XXYLT1: variants seen among roughly 807,000 people sequenced by gnomAD.
The protein encoded by XXYLT1 is UDP-xylose:alpha-xyloside alpha-1,3-xylosyltransferase.
Under a neutral mutation model 28.9 loss-of-function variants are expected in XXYLT1, and 20 were observed. That is an observed-to-expected ratio of 0.69 (90% CI 0.49 to 1.00). XXYLT1 has a LOEUF of 1.00. Ranked by LOEUF, XXYLT1 falls within the 50% of genes least tolerant of loss-of-function variation. The pLI, the probability that XXYLT1 is intolerant of heterozygous loss-of-function variation, is 0.00. For synonymous variants in XXYLT1, 257 were observed against 253.8 expected (o/e 1.01, Z -0.12); for missense variants, 542 against 560.1 (o/e 0.97, Z 0.33).
At chr3:195,169,631 G>A (rs571613741) in intron 2 of XXYLT1, among the ~76,000 whole-genome samples, 144 of 152,106 alleles carry the variant, frequency 9.5e-4, no homozygotes, top group African/African-American at 3.3e-3. Context: ...TTTTATTTAC[G>A]ATAGGTTTAT....
At chr3:195,188,127 G>A (rs1480812787) in intron 2 of XXYLT1, among the ~76,000 whole-genome samples, 1 of 152,156 alleles carries the variant, frequency 6.6e-6, no homozygotes, top group Non-Finnish European at 1.5e-5. Context: ...AAAAGTCTAG[G>A]GGATGGAATT....
intron 3 of XXYLT1, among the ~76,000 whole-genome samples, chr3:195,143,815 G>T (rs796143096): frequency 0.011 from 866 of 75,610 alleles, 63 homozygotes; most frequent in East Asian, 0.043. Context: ...GATATATATA[G>T]ATATAGATAT....
Position 195,180,165 on chromosome 3 carries a change from C to T in XXYLT1, c.653-23584G>A, listed in dbSNP as rs529064166. On this transcript the variant is annotated intron_variant, in intron 2 of 3. Transcript: ENST00000310380. This position sits in a 1 kb window ranked among gnomAD's most constrained non-coding sequence, Gnocchi z 5.8. ...CAAACAAGAGGGGCAGGGAGGGAGGCAGCTGTGTAGCAGGCCTGGGGTGGT... is the reference window on the plus strand; with the variant it reads ...CAAACAAGAGGGGCAGGGAGGGAGGTAGCTGTGTAGCAGGCCTGGGGTGGT... 6.6e-6 allele frequency among the ~76,000 whole-genome samples: 1 copy of T among 152,322 alleles called. No individual in the cohort carries two copies. The highest frequency in any genetic ancestry group is 2.1e-4 in the South Asian group (1 of 4,832).
At chr3:195,196,575 G>C (rs1347349627) in intron 2 of XXYLT1, among the ~76,000 whole-genome samples, 1 of 152,232 alleles carries the variant, frequency 6.6e-6, no homozygotes, top group East Asian at 1.9e-4. Flanking sequence ...CGGAGAAAGA[G>C]ACCAGAGATG....
chr3:195,069,978 T>C lies in XXYLT1; in HGVS notation c.919A>G (p.Ser307Gly). Residue 307 changes from serine to glycine, a missense_variant, in exon 4 of 4, where the codon AGC (serine) becomes GGC (glycine). Physicochemically the swap from Ser to Gly is moderately conservative, Grantham distance 56. Transcript: ENST00000310380. ...LEAMRQSPLY[S>G]RLLEPAQVQQ... ...ACCTGCGCCGGCTCCAGCAGGCGGCTGTAGAGCGGGGACTGGCGCATGGCC... is the reference window on the plus strand; with the variant it reads ...ACCTGCGCCGGCTCCAGCAGGCGGCCGTAGAGCGGGGACTGGCGCATGGCC... 6.2e-7 allele frequency: 1 copy of C among 1,610,316 alleles called. No homozygotes were observed. The highest frequency in any genetic ancestry group is 8.5e-7 in the Non-Finnish European group (1 of 1,179,744).
chr3:195,226,722 C>G lies in XXYLT1; in HGVS notation c.639G>C (p.Gln213His), dbSNP rs1427551120. 1 of 1,613,284 alleles carries G rather than the reference C, an allele frequency of 6.2e-7. No homozygotes were observed. Among genetic ancestry groups the G allele is most frequent in the Non-Finnish European group, 8.5e-7 (1 of 1,179,808 alleles). The change falls in exon 2 of 4, where the codon CAG (glutamine) becomes CAC (histidine). Residue 213 changes from glutamine (Q) to histidine (H), a missense_variant. Transcript: ENST00000310380. ...SIFFLSVAMH[Q>H]IMPKEILQII... ...AGCCCAGGTTACCTTTGGGCATGATCTGATGCATGGCGACCGAGAGGAAGA... is the reference window on the plus strand; with the variant it reads ...AGCCCAGGTTACCTTTGGGCATGATGTGATGCATGGCGACCGAGAGGAAGA...
At chr3:195,228,845 T>A (rs574750335) in intron 1 of XXYLT1, among the ~76,000 whole-genome samples, 2 of 151,058 alleles carry the variant, frequency 1.3e-5, no homozygotes, top group Non-Finnish European at 2.9e-5. Context: ...AGAGTTTCAC[T>A]CTTGTTGCCC....
intron 3 of XXYLT1, among the ~76,000 whole-genome samples, chr3:195,140,674 A>G (rs966072962): frequency 5.3e-5 from 8 of 151,984 alleles, no homozygotes; most frequent in Non-Finnish European, 1.0e-4. Flanking sequence ...TGAGAACAAA[A>G]GAGAGAGAGC....
chr3:195,139,883 AC>A (rs1202357372), intron 3 of XXYLT1, among the ~76,000 whole-genome samples: 10 of 151,982 alleles, frequency 6.6e-5, no homozygotes, highest in African/African-American at 1.9e-4. Flanking sequence ...CCAGATGAGG[AC>A]CCCTCCCAGC....
chr3:195,244,463 A>G (rs1306246849), intron 1 of XXYLT1, among the ~76,000 whole-genome samples: 1 of 152,112 alleles, frequency 6.6e-6, no homozygotes, highest in Non-Finnish European at 1.5e-5. Context: ...AGGAATCTTC[A>G]TTTAAAAACC....
At chr3:195,192,545 T>G (rs1348874996) in intron 2 of XXYLT1, among the ~76,000 whole-genome samples, 4 of 152,282 alleles carry the variant, frequency 2.6e-5, no homozygotes, top group South Asian at 4.2e-4. Flanking sequence ...ATTCCTAAAC[T>G]CTATCTATCA....
At chr3:195,243,046 TCA>T (rs1724846967) in intron 1 of XXYLT1, among the ~76,000 whole-genome samples, 1 of 152,160 alleles carries the variant, frequency 6.6e-6, no homozygotes, top group Non-Finnish European at 1.5e-5. Flanking sequence ...AAGGATGAGT[TCA>T]CGTCCTTTGT....
chr3:195,233,258 T>C (rs1241343761), intron 1 of XXYLT1, among the ~76,000 whole-genome samples: 1 of 152,220 alleles, frequency 6.6e-6, no homozygotes, highest in East Asian at 1.9e-4. Context: ...CTATGTGTGT[T>C]TTTATAAATG....
chr3:195,189,224 T>C (rs577511928), intron 2 of XXYLT1, among the ~76,000 whole-genome samples: 1 of 152,190 alleles, frequency 6.6e-6, no homozygotes, highest in Admixed American at 6.5e-5. Context: ...GATTTTAAAA[T>C]AAAAACCAAA....
chr3:195,242,177 C>T (rs1398496830), intron 1 of XXYLT1, among the ~76,000 whole-genome samples: 1 of 152,138 alleles, frequency 6.6e-6, no homozygotes, highest in African/African-American at 2.4e-5. Flanking sequence ...CCCGTGGCCC[C>T]GCAGCACCTG....
rs1448576748 is a variant in XXYLT1, at chr3:195,115,661, A to G, written c.785+40788T>C. ...GGACGACTCCCTTCATCTGGTGCGGAGCAGTAACCCCCTCGTCTGGCTCCG... is the reference window on the plus strand; with the variant it reads ...GGACGACTCCCTTCATCTGGTGCGGGGCAGTAACCCCCTCGTCTGGCTCCG... On this transcript the variant is annotated intron_variant, in intron 3 of 3. Coordinates refer to ENST00000310380, the MANE Select transcript of XXYLT1 (RefSeq NM_152531.5). The surrounding 1 kb of genome is among the most constrained non-coding windows in gnomAD (Gnocchi z 4.2). Among the ~76,000 whole-genome samples, 1 of 152,202 alleles carries G rather than the reference A, an allele frequency of 6.6e-6. No homozygotes were observed. Among genetic ancestry groups the G allele is most frequent in the Non-Finnish European group, 1.5e-5 (1 of 68,034 alleles).
intron 2 of XXYLT1, among the ~76,000 whole-genome samples, chr3:195,203,857 G>A (rs774537429): frequency 2.6e-5 from 4 of 152,184 alleles, no homozygotes; most frequent in Non-Finnish European, 4.4e-5. Flanking sequence ...GTCAGCCCCC[G>A]GAACAGAGGC....
chr3:195,199,407 C>T (rs1722758458), intron 2 of XXYLT1, among the ~76,000 whole-genome samples: 1 of 152,042 alleles, frequency 6.6e-6, no homozygotes, highest in Non-Finnish European at 1.5e-5. Flanking sequence ...GTCAGGAGAT[C>T]GAGACCATCC....
chr3:195,190,080 A>G (rs1722353499), intron 2 of XXYLT1, among the ~76,000 whole-genome samples: 1 of 151,788 alleles, frequency 6.6e-6, no homozygotes, highest in South Asian at 2.1e-4. Context: ...AAAAGCAAAA[A>G]GAAAACATCA....
Sources: allele counts gnomAD v4.1 joint callset (sites outside exome capture counted in the v4.1 genomes callset), GRCh38; gene constraint gnomAD v4.1.1; non-coding constraint Gnocchi (gnomAD v3.1); transcripts MANE v1.5; gene names NCBI Gene and HGNC (gene_info 2026-07-23, HGNC 2026-07-21).